The following LMBR1 variants were observed in gnomAD, a reference collection of about 807,000 sequenced individuals.
The protein encoded by LMBR1 is limb development membrane protein 1.
A neutral mutation model predicts 73.9 loss-of-function variants in LMBR1; 52 were observed. The ratio of observed to expected loss-of-function variants is 0.70; its 90% CI spans 0.56 to 0.89. The LOEUF is 0.89. Among genes scored for constraint, LMBR1 ranks in the 40% least tolerant of loss-of-function variants. The probability of loss-of-function intolerance (pLI) is 0.00; values close to 1 mark genes in which losing one functional copy is unlikely to be tolerated. For missense variants in LMBR1, 539 were observed against 579.8 expected, an observed-to-expected ratio of 0.93 and a Z score of 0.72; for synonymous variants, 215 against 209.4, an observed-to-expected ratio of 1.03 and a Z score of -0.23.
chr7:156,853,002 G>A (rs151102060), intron 1 of LMBR1, among the ~76,000 whole-genome samples: 2,292 of 150,722 alleles, frequency 0.015, 21 homozygotes, highest in Non-Finnish European at 0.019. Context: ...GCAGTGGCCC[G>A]ATCTCAGCTC....
chr7:156,735,727 TTC>T (rs1323208039), intron 9 of LMBR1, among the ~76,000 whole-genome samples: 2 of 152,116 alleles, frequency 1.3e-5, no homozygotes, highest in East Asian at 3.8e-4. Flanking sequence ...TCAACTTAAA[TTC>T]TGTTTTGTGG....
chr7:156,795,164 C>A (rs1474871762), intron 5 of LMBR1, among the ~76,000 whole-genome samples: 1 of 152,148 alleles, frequency 6.6e-6, no homozygotes, highest in Non-Finnish European at 1.5e-5. Flanking sequence ...CTCTAGCAAA[C>A]CCCTGCTCAT....
At chr7:156,720,831 C>A (rs1366507185) in intron 15 of LMBR1, among the ~76,000 whole-genome samples, 4 of 151,848 alleles carry the variant, frequency 2.6e-5, no homozygotes, top group African/African-American at 9.7e-5. Context: ...ACTTATACTT[C>A]CATTTCACAT....
chr7:156,883,500 T>C (rs1156418851), intron 1 of LMBR1, among the ~76,000 whole-genome samples: 1 of 151,404 alleles, frequency 6.6e-6, no homozygotes, highest in African/African-American at 2.4e-5. Flanking sequence ...AACTATGGAG[T>C]GGTAAGATAT....
chr7:156,854,688 G>C (rs373657952), intron 1 of LMBR1, among the ~76,000 whole-genome samples: 1 of 152,206 alleles, frequency 6.6e-6, no homozygotes, highest in African/African-American at 2.4e-5. Flanking sequence ...AAGCCGAGTA[G>C]CACCTGTGAA....
At chr7:156,753,692 T>C (rs1206507203) in intron 9 of LMBR1, among the ~76,000 whole-genome samples, 1 of 152,034 alleles carries the variant, frequency 6.6e-6, no homozygotes, top group Non-Finnish European at 1.5e-5. Flanking sequence ...ATGGACACAA[T>C]GTACCCATTA....
rs558434300 is a variant in LMBR1 at position 156,887,232 on chromosome 7, G to A, written c.66+5696C>T. Among the ~76,000 whole-genome samples the A allele has an allele frequency of 5.3e-5, 8 of 152,258 alleles. No individual in the cohort carries two copies. In the South Asian group the frequency reaches 8.3e-4, roughly 16 times the overall value. On this transcript the variant is annotated intron_variant, in intron 1 of 16. Coordinates refer to ENST00000353442, the MANE Select transcript of LMBR1 (RefSeq NM_022458.4). ...TGTAATCCCAGCACTTTGGGAGGCC[G>A]AGGCGGCAGATCACGAGGTCAAGAG...
intron 5 of LMBR1, among the ~76,000 whole-genome samples, chr7:156,793,564 G>T (rs902507906): frequency 6.6e-6 from 1 of 152,054 alleles, no homozygotes; most frequent in African/African-American, 2.4e-5. Context: ...TTTTAAAACC[G>T]CCTGAGATAA....
chr7:156,675,307 C>T (rs1803610072), downstream of LMBR1, among the ~76,000 whole-genome samples: 1 of 152,234 alleles, frequency 6.6e-6, no homozygotes, highest in Admixed American at 6.5e-5. Flanking sequence ...CGGCTCCCTC[C>T]GTCTTTGGAG....
At chr7:156,844,688 G>C (rs1839315600) in intron 1 of LMBR1, among the ~76,000 whole-genome samples, 1 of 151,628 alleles carries the variant, frequency 6.6e-6, no homozygotes, top group African/African-American at 2.4e-5. Context: ...CTTTGCTCCT[G>C]GTCAGGGAAG....
chr7:156,839,850 G>A (rs1172915298), intron 1 of LMBR1, among the ~76,000 whole-genome samples: 1 of 152,212 alleles, frequency 6.6e-6, no homozygotes, highest in Non-Finnish European at 1.5e-5. Context: ...AATGTCAACA[G>A]CATCGCTACC....
chr7:156,827,951 T>C (rs17837697), intron 3 of LMBR1, among the ~76,000 whole-genome samples: 37,126 of 152,168 alleles, frequency 0.24, 5,086 homozygotes, highest in East Asian at 0.43. Context: ...TTTTGCTCAA[T>C]AGACACCGCA....
At chr7:156,805,704 C>A (rs78732478) in intron 4 of LMBR1, among the ~76,000 whole-genome samples, 4,842 of 152,312 alleles carry the variant, frequency 0.032, 123 homozygotes, top group South Asian at 0.084. Flanking sequence ...TGTTGAATCT[C>A]TATCAATTTG....
At chr7:156,786,106 G>A (rs1391829880) in intron 5 of LMBR1, among the ~76,000 whole-genome samples, 1 of 151,680 alleles carries the variant, frequency 6.6e-6, no homozygotes, top group Non-Finnish European at 1.5e-5. Context: ...AGGCAGGGAG[G>A]GAGGGAAGGA....
At chr7:156,742,884 A>G (rs1015291697) in intron 9 of LMBR1, among the ~76,000 whole-genome samples, 1 of 152,200 alleles carries the variant, frequency 6.6e-6, no homozygotes, top group African/African-American at 2.4e-5. Context: ...TCAACAACAC[A>G]TTAAAAAGAT....
chr7:156,762,057 T>G, intron 8 of LMBR1, 77 bp downstream of exon 8: 1 of 796,456 alleles, frequency 1.3e-6, no homozygotes, highest in South Asian at 1.5e-5. Flanking sequence ...TTCTAAATGC[T>G]AGCTCACAAT....
At chr7:156,676,886 T>A (rs1293211554), downstream of LMBR1, 2 of 491,030 alleles carry the variant, frequency 4.1e-6, no homozygotes, top group Non-Finnish European at 7.3e-6. Flanking sequence ...TCACTTCAAA[T>A]ATGAATAGCA....
intron 4 of LMBR1, among the ~76,000 whole-genome samples, chr7:156,816,106 A>T (rs1386799540): frequency 6.6e-6 from 1 of 152,150 alleles, no homozygotes; most frequent in Non-Finnish European, 1.5e-5. Context: ...AAATCACTAA[A>T]AAGTATCTCT....
intron 1 of LMBR1, among the ~76,000 whole-genome samples, chr7:156,840,373 A>T (rs1411996262): frequency 6.6e-6 from 1 of 152,152 alleles, no homozygotes; most frequent in Non-Finnish European, 1.5e-5. Context: ...TTGTGGGACA[A>T]GAAGGGCCAA....
Sources: gnomAD v4.1 joint callset for allele counts (sites outside exome capture counted in the v4.1 genomes callset) on GRCh38, gnomAD v4.1.1 for gene constraint, MANE v1.5 for transcripts, NCBI Gene and HGNC (gene_info 2026-07-23, HGNC 2026-07-21) for gene names.